The following MTG1 variants were observed in gnomAD, a reference collection of about 807,000 sequenced individuals.
The protein encoded by MTG1 is mitochondrial ribosome-associated GTPase 1.
MTG1 carries 30 observed loss-of-function variants against 39.5 expected under a neutral mutation model. The ratio of observed to expected loss-of-function variants is 0.76; its 90% CI spans 0.57 to 1.03. The LOEUF (loss-of-function observed/expected upper bound fraction) is 1.03, where lower values mean the gene tolerates loss of function less well. Ranked by LOEUF, MTG1 falls within the 50% of genes least tolerant of loss-of-function variation. The probability of loss-of-function intolerance (pLI) is 0.00; values close to 1 mark genes in which losing one functional copy is unlikely to be tolerated. For missense variants in MTG1, 513 were observed against 447.4 expected (o/e 1.15, Z -1.32); for synonymous variants, 217 against 179.0 (o/e 1.21, Z -1.69).
intron 9 of MTG1, among the ~76,000 whole-genome samples, chr10:133,403,440 C>T (rs1849917307): frequency 6.6e-6 from 1 of 152,216 alleles, no homozygotes; most frequent in South Asian, 2.1e-4. Context: ...CGTGATCACA[C>T]CTTCCTGCCC....
At chr10:133,409,589 G>A (rs530292115) in intron 9 of MTG1, among the ~76,000 whole-genome samples, 1 of 152,128 alleles carries the variant, frequency 6.6e-6, no homozygotes, top group South Asian at 2.1e-4. Context: ...GTTGATTTCT[G>A]GCTGGAAACA....
intron 9 of MTG1, among the ~76,000 whole-genome samples, chr10:133,414,142 A>C (rs1416699896): frequency 6.7e-6 from 1 of 150,272 alleles, no homozygotes; most frequent in Non-Finnish European, 1.5e-5. Flanking sequence ...GCCTTCAAGC[A>C]TCTGTTTAAC....
intron 1 of MTG1, 31 bp downstream of exon 1, chr10:133,394,363 G>T (rs1206391568): frequency 6.9e-7 from 1 of 1,441,746 alleles, no homozygotes; most frequent in Non-Finnish European, 9.1e-7. Context: ...GCAAGGTCAT[G>T]CCTACGGCCG....
At chr10:133,410,878 C>G (rs556056737) in intron 9 of MTG1, among the ~76,000 whole-genome samples, 1 of 152,016 alleles carries the variant, frequency 6.6e-6, no homozygotes, top group Non-Finnish European at 1.5e-5. Flanking sequence ...GCATCTTTCC[C>G]CCAAATTTTC....
chr10:133,414,152 C>G (rs4362071), intron 9 of MTG1, among the ~76,000 whole-genome samples: 31,339 of 149,410 alleles, frequency 0.21, 3,631 homozygotes, highest in East Asian at 0.33. Context: ...ATCTGTTTAA[C>G]AAAGCACATC....
chr10:133,401,801 G>A (rs1300321092), intron 7 of MTG1: 1 of 700,396 alleles, frequency 1.4e-6, no homozygotes, highest in South Asian at 1.5e-5. Context: ...AAGGCACGCT[G>A]TTTTCCCCAT....
chr10:133,399,610 C>T lies in MTG1; in HGVS notation c.502C>T (p.Leu168Phe). The T allele has an allele frequency of 6.2e-7, 1 of 1,613,574 alleles. No individual in the cohort carries two copies. Among genetic ancestry groups the T allele is most frequent in the Non-Finnish European group, 8.5e-7 (1 of 1,179,882 alleles). The change falls in exon 6 of 11, where the codon CTC becomes TTC. Residue 168 changes from leucine to phenylalanine, a missense_variant. Leu to Phe is a conservative substitution (Grantham distance 22). Coordinates refer to ENST00000317502, the MANE Select transcript of MTG1 (RefSeq NM_138384.4). Reference sequence around the variant, plus strand: ...CATCAACTCCCTCCGGAGGCAGCACCTCAGGAAAGGTACTGGCGCGTGCGG... The same window carrying T: ...CATCAACTCCCTCCGGAGGCAGCACTTCAGGAAAGGTACTGGCGCGTGCGG... ...SLINSLRRQH[L>F]RKGKATRVGG... is the part of the protein sequence containing the mutation.
intron 7 of MTG1, 166 bp from the exon 8 acceptor site, chr10:133,401,983 C>A (rs1372154674): frequency 8.9e-6 from 6 of 676,198 alleles, no homozygotes; most frequent in African/African-American, 1.8e-5. Context: ...GGAATTAGAT[C>A]CTCTGGGGAA....
At chr10:133,407,980 A>C (rs1033652488) in intron 9 of MTG1, among the ~76,000 whole-genome samples, 1 of 152,194 alleles carries the variant, frequency 6.6e-6, no homozygotes, top group Non-Finnish European at 1.5e-5. Context: ...GGAGTCTTTC[A>C]GTTTTTCCCA....
Position 133,394,339 on chromosome 10 carries a change from C to A in MTG1, c.112+7C>A. The A allele has an allele frequency of 1.3e-6, 2 of 1,492,824 alleles. No homozygotes were observed. The highest frequency in any genetic ancestry group is 1.8e-6 in the Non-Finnish European group (2 of 1,125,408). The allele number at this position is 1,492,824 out of a possible 1,614,324, so 92.5% of individuals were successfully genotyped here. A position where few individuals can be genotyped will look rare whatever the true frequency, so the allele number is the denominator to read the frequency against. On this transcript the variant is annotated splice_region_variant and intron_variant, in intron 1 of 10. Transcript: ENST00000317502. ...CCGGGCCACATGGCCAAGGGTGAGG[C>A]ACGGCGGGGAGGGGCAAGGTCATGC...
Position 133,402,425 on chromosome 10 carries a change from T to C in MTG1, c.670+180T>C. 4 of 739,360 alleles carry C rather than the reference T, an allele frequency of 5.4e-6. No individual in the cohort carries two copies. The highest frequency in any genetic ancestry group is 9.0e-6 in the Non-Finnish European group (4 of 443,260). 45.8% of individuals were successfully genotyped at this position (739,360 alleles called of 1,614,324 possible). A position where few individuals can be genotyped will look rare whatever the true frequency, so the allele number is the denominator to read the frequency against. On this transcript the variant is annotated intron_variant, in intron 8 of 10. Coordinates refer to ENST00000317502, the MANE Select transcript of MTG1 (RefSeq NM_138384.4). This position sits in a 1 kb window ranked among gnomAD's most constrained non-coding sequence, Gnocchi z 4.7. ...GTAATAGTGCACAGCTGACAGGCACTGGTCACCATTCCACCCTGCCCCATG... is the reference window on the plus strand; with the variant it reads ...GTAATAGTGCACAGCTGACAGGCACCGGTCACCATTCCACCCTGCCCCATG...
chr10:133,401,994 C>T, intron 7 of MTG1, 155 bp from the exon 8 acceptor site: 2 of 760,584 alleles, frequency 2.6e-6, no homozygotes, highest in Non-Finnish European at 4.4e-6. Flanking sequence ...CTCTGGGGAA[C>T]CCTGGAGCTT....
chr10:133,403,908 C>T (rs577105376), intron 9 of MTG1, among the ~76,000 whole-genome samples: 7 of 152,208 alleles, frequency 4.6e-5, no homozygotes, highest in Middle Eastern at 3.4e-3. Context: ...GGAATGAGTC[C>T]TTCAGTTTCT....
chr10:133,395,602 T>G, intron 1 of MTG1, 111 bp from the exon 2 acceptor site: 1 of 1,000,262 alleles, frequency 1.0e-6, no homozygotes, highest in Non-Finnish European at 1.5e-6. Context: ...CCCTCAGATA[T>G]AGTCTTTTTA....
chr10:133,399,355 C>A, intron 5 of MTG1, 129 bp downstream of exon 5: 3 of 1,264,596 alleles, frequency 2.4e-6, no homozygotes, highest in South Asian at 1.2e-5. Context: ...TCCTCTCATT[C>A]TCTTCAGTGG....
In MTG1 at chr10:133,395,710, C is replaced by T. The variant is rs910682195; in HGVS notation, c.113-3C>T. On this transcript the variant is annotated splice_polypyrimidine_tract_variant and splice_region_variant and intron_variant, in intron 1 of 10. Transcript: ENST00000317502. ...TTCGCTGAGGCGTCCTTCTGTTTTCCAGGGCTGAAGAAGATGCAGAGCAGC... is the reference window on the plus strand; with the variant it reads ...TTCGCTGAGGCGTCCTTCTGTTTTCTAGGGCTGAAGAAGATGCAGAGCAGC... 6.2e-7 allele frequency: 1 copy of T among 1,613,958 alleles called. No individual in the cohort carries two copies.
chr10:133,413,898 A>G (rs1237990674), intron 9 of MTG1, among the ~76,000 whole-genome samples: 3 of 146,848 alleles, frequency 2.0e-5, no homozygotes, highest in African/African-American at 5.0e-5. Context: ...ACACCTTCTC[A>G]TTTCTTTGTG....
At chr10:133,407,040 CT>C (rs34922723) in intron 9 of MTG1, among the ~76,000 whole-genome samples, 91,389 of 152,058 alleles carry the variant, frequency 0.6, 28,604 homozygotes, top group Non-Finnish European at 0.7. Flanking sequence ...AACCAGCACC[CT>C]TTTATGGGAG....
chr10:133,399,104 A>G, intron 4 of MTG1, 66 bp from the exon 5 acceptor site: 2 of 1,564,592 alleles, frequency 1.3e-6, no homozygotes, highest in Non-Finnish European at 1.8e-6. Flanking sequence ...CTGAGGTGGC[A>G]GAAGGAGCGG....
Sources: gnomAD v4.1 joint callset for allele counts (sites outside exome capture counted in the v4.1 genomes callset) on GRCh38, gnomAD v4.1.1 for gene constraint, Gnocchi (gnomAD v3.1) non-coding constraint, MANE v1.5 for transcripts, NCBI Gene and HGNC (gene_info 2026-07-23, HGNC 2026-07-21) for gene names.